Variants in CDH13 observed in about 807,000 individuals in gnomAD.
The protein encoded by CDH13 is cadherin-13.
CDH13 carries 24 observed loss-of-function variants against 63.8 expected under a neutral mutation model. That is an observed-to-expected ratio of 0.38 (90% confidence interval 0.27 to 0.53). The LOEUF is 0.53. CDH13 is among the 20% of genes least tolerant of loss of function. The pLI is 0.85. For synonymous variants in CDH13, 503 were observed against 355.3 expected (o/e 1.42, Z -4.67); for missense variants, 1,049 against 903.1 (o/e 1.16, Z -2.07).
intron 7 of CDH13, among the ~76,000 whole-genome samples, chr16:83,513,219 C>T (rs938495314): frequency 6.6e-6 from 1 of 152,050 alleles, no homozygotes; most frequent in South Asian, 2.1e-4. Context: ...AAACAAAGAT[C>T]CATGTTCACA....
At chr16:83,385,918 G>C (rs1034950848) in intron 6 of CDH13, among the ~76,000 whole-genome samples, 17 of 152,150 alleles carry the variant, frequency 1.1e-4, no homozygotes, top group African/African-American at 4.1e-4. Flanking sequence ...ACTTTGGGTG[G>C]TTATCACAAT....
chr16:82,798,882 C>A (rs1015519016), intron 1 of CDH13, among the ~76,000 whole-genome samples: 1 of 152,010 alleles, frequency 6.6e-6, no homozygotes, highest in African/African-American at 2.4e-5. Flanking sequence ...ATAACAGGAA[C>A]CCTTGGAAGT....
intron 1 of CDH13, among the ~76,000 whole-genome samples, chr16:82,724,386 G>A (rs1464771895): frequency 6.6e-6 from 1 of 152,080 alleles, no homozygotes; most frequent in Non-Finnish European, 1.5e-5. Context: ...CTATTGATAT[G>A]ACTAGTCCTT....
chr16:82,747,277 G>T (rs111817058), intron 1 of CDH13, among the ~76,000 whole-genome samples: 1 of 152,152 alleles, frequency 6.6e-6, no homozygotes, highest in Non-Finnish European at 1.5e-5. Flanking sequence ...AAAACCTATG[G>T]AATTGGAATC....
intron 11 of CDH13, among the ~76,000 whole-genome samples, chr16:83,777,114 A>T (rs920308267): frequency 1.3e-5 from 2 of 152,094 alleles, no homozygotes; most frequent in Non-Finnish European, 1.5e-5. Context: ...TGCACACATC[A>T]TGCCTCTCTT....
intron 6 of CDH13, among the ~76,000 whole-genome samples, chr16:83,457,285 A>G (rs190878850): frequency 2.0e-5 from 3 of 152,284 alleles, no homozygotes; most frequent in Admixed American, 6.5e-5. Context: ...TAAGCGTTTG[A>G]TAAACATTAC....
Position 83,059,785 on chromosome 16 carries a change from T to G in CDH13, c.366+27567T>G, listed in dbSNP as rs539898813. Among the ~76,000 whole-genome samples, 83 of 134,720 alleles carry G rather than the reference T, an allele frequency of 6.2e-4. 1 individual carries two copies. The highest frequency in any genetic ancestry group is 4.5e-3 in the East Asian group (21 of 4,656). 88.4% of individuals were successfully genotyped at this position (134,720 alleles called of 152,430 possible). A position where few individuals can be genotyped will look rare whatever the true frequency, so the allele number is the denominator to read the frequency against. ...TCCAGACTTTTGCCTTTGTTTTTTT[T>G]TTTGTTTGTTTTTTTTTTTTTTTTT... On this transcript the variant is annotated intron_variant, in intron 3 of 13. Transcript: ENST00000567109.
chr16:82,942,815 C>T (rs1487427471), intron 2 of CDH13, among the ~76,000 whole-genome samples: 1 of 152,164 alleles, frequency 6.6e-6, no homozygotes, highest in Non-Finnish European at 1.5e-5. Flanking sequence ...ACTCAGGTTT[C>T]CCAATAGATC....
chr16:82,691,042 A>G (rs1336409135), intron 1 of CDH13, among the ~76,000 whole-genome samples: 2 of 152,152 alleles, frequency 1.3e-5, no homozygotes, highest in Non-Finnish European at 2.9e-5. Context: ...GCAGAGAAAC[A>G]CCTAGATTTT....
chr16:83,214,081 C>T (rs559641271), intron 4 of CDH13, among the ~76,000 whole-genome samples: 4 of 152,052 alleles, frequency 2.6e-5, no homozygotes, highest in Non-Finnish European at 4.4e-5. Flanking sequence ...AAGGCAGCAG[C>T]GACAACCTGC....
chr16:83,560,130 G>A (rs946760880), intron 7 of CDH13, among the ~76,000 whole-genome samples: 4 of 152,156 alleles, frequency 2.6e-5, no homozygotes, highest in Non-Finnish European at 5.9e-5. Context: ...GCTACTCTGT[G>A]TTAGTCCCTG....
At chr16:83,334,361 T>A (rs58112960) in intron 5 of CDH13, among the ~76,000 whole-genome samples, 7,867 of 85,538 alleles carry the variant, frequency 0.092, 380 homozygotes, top group Non-Finnish European at 0.13. Flanking sequence ...TCTCTCTCTC[T>A]CACACACACA....
chr16:83,506,945 G>A (rs908392412), intron 7 of CDH13, among the ~76,000 whole-genome samples: 1 of 152,184 alleles, frequency 6.6e-6, no homozygotes, highest in Admixed American at 6.5e-5. Context: ...ACACAGCTGA[G>A]CAGCTTCCAT....
chr16:83,256,042 T>C (rs978559700), intron 5 of CDH13, among the ~76,000 whole-genome samples: 2 of 152,144 alleles, frequency 1.3e-5, no homozygotes, highest in Non-Finnish European at 2.9e-5. Context: ...AAAGTGATTA[T>C]TTTTTTCTTG....
At chr16:83,476,608 G>A (rs746957579) in intron 6 of CDH13, among the ~76,000 whole-genome samples, 4 of 152,192 alleles carry the variant, frequency 2.6e-5, no homozygotes, top group Non-Finnish European at 5.9e-5. Flanking sequence ...GGGGGACAGA[G>A]GTTGCTGTGA....
chr16:82,799,611 T>A (rs1043513465), intron 1 of CDH13, among the ~76,000 whole-genome samples: 1 of 152,228 alleles, frequency 6.6e-6, no homozygotes, highest in African/African-American at 2.4e-5. Context: ...TTAGACCCAT[T>A]TATTTCCATC....
chr16:83,404,951 A>G (rs2092020170), intron 6 of CDH13, among the ~76,000 whole-genome samples: 1 of 152,198 alleles, frequency 6.6e-6, no homozygotes, highest in African/African-American at 2.4e-5. Flanking sequence ...GATAACATAG[A>G]AATGTCTAAA....
At chr16:82,935,657 G>T (rs1251146317) in intron 2 of CDH13, among the ~76,000 whole-genome samples, 1 of 152,142 alleles carries the variant, frequency 6.6e-6, no homozygotes, top group African/African-American at 2.4e-5. Flanking sequence ...CAACCTCTGG[G>T]CTATGGACCA....
At chr16:82,964,135 C>G (rs9928039) in intron 2 of CDH13, among the ~76,000 whole-genome samples, 72,446 of 151,954 alleles carry the variant, frequency 0.48, 17,507 homozygotes, top group South Asian at 0.54. Flanking sequence ...GAGTGGAGAT[C>G]ACTGAGATCT....
Sources: allele counts gnomAD v4.1 joint callset (sites outside exome capture counted in the v4.1 genomes callset), GRCh38; gene constraint gnomAD v4.1.1; transcripts MANE v1.5; gene names NCBI Gene and HGNC (gene_info 2026-07-23, HGNC 2026-07-21).